The following SCHIP1 variants were observed in gnomAD, a reference collection of about 807,000 sequenced individuals.
SCHIP1 encodes schwannomin interacting protein 1.
Under a neutral mutation model 29.7 loss-of-function variants are expected in SCHIP1, and 8 were observed. The ratio of observed to expected loss-of-function variants is 0.27; its 90% CI spans 0.16 to 0.49. The LOEUF (loss-of-function observed/expected upper bound fraction) is 0.49. SCHIP1 is among the 20% of genes least tolerant of loss of function. The pLI, the probability that SCHIP1 is intolerant of heterozygous loss-of-function variation, is 0.99. For synonymous variants in SCHIP1, 76 were observed against 94.9 expected (o/e 0.80, Z 1.16); for missense variants, 193 against 294.6 (o/e 0.66, Z 2.52).
chr3:159,639,592 G>A, the SCHIP1 span, among the ~76,000 whole-genome samples: 1 of 152,158 alleles, frequency 6.6e-6, no homozygotes, highest in African/African-American at 2.4e-5. Flanking sequence ...GTGTGCTAGA[G>A]TTCCAGCAGT....
At chr3:159,609,858 A>G in the SCHIP1 span, among the ~76,000 whole-genome samples, 1 of 152,058 alleles carries the variant, frequency 6.6e-6, no homozygotes, top group African/African-American at 2.4e-5. Context: ...TTGCTAAGCG[A>G]TGGAAAACCA....
chr3:159,892,011 T>G, intron 5 of SCHIP1, 86 bp from the exon 7 acceptor site: 1 of 1,408,250 alleles, frequency 7.1e-7, no homozygotes, highest in Non-Finnish European at 9.6e-7. Flanking sequence ...GGGTAGCTGT[T>G]TGTGTGTATA....
chr3:159,538,991 A>G, the SCHIP1 span, among the ~76,000 whole-genome samples: 27,204 of 151,966 alleles, frequency 0.18, 2,624 homozygotes, highest in South Asian at 0.35. Flanking sequence ...CCTCTCATCC[A>G]TGGATGGTTA....
chr3:159,505,400 G>A, the SCHIP1 span, among the ~76,000 whole-genome samples: 131 of 152,242 alleles, frequency 8.6e-4, no homozygotes, highest in African/African-American at 3.0e-3. Flanking sequence ...AAACAATTAC[G>A]AAGGAGAACA....
At chr3:159,515,985 A>G in the SCHIP1 span, among the ~76,000 whole-genome samples, 1 of 148,630 alleles carries the variant, frequency 6.7e-6, no homozygotes, top group Admixed American at 6.7e-5. Context: ...GGGGGAGATA[A>G]AGAATTGGGG....
the SCHIP1 span, among the ~76,000 whole-genome samples, chr3:159,604,677 A>G: frequency 6.6e-6 from 1 of 152,194 alleles, no homozygotes; most frequent in Non-Finnish European, 1.5e-5. Context: ...TCTACATTTG[A>G]AGTTGTTTCA....
the SCHIP1 span, among the ~76,000 whole-genome samples, chr3:159,737,918 C>T: frequency 1.1e-4 from 17 of 152,244 alleles, no homozygotes; most frequent in East Asian, 9.7e-4. Context: ...GTTGTATTTG[C>T]TGTCCCCACA....
the SCHIP1 span, among the ~76,000 whole-genome samples, chr3:159,673,175 G>C: frequency 4.6e-3 from 704 of 152,252 alleles, 8 homozygotes; most frequent in African/African-American, 0.016. Context: ...TTTCTGTTCT[G>C]TTAGTTATTT....
the SCHIP1 span, among the ~76,000 whole-genome samples, chr3:159,761,224 C>G: frequency 6.6e-6 from 1 of 152,188 alleles, no homozygotes; most frequent in Non-Finnish European, 1.5e-5. Flanking sequence ...GGGCAGGAAT[C>G]AGTTGGGAAA....
At chr3:159,538,692 C>A in the SCHIP1 span, among the ~76,000 whole-genome samples, 1 of 152,062 alleles carries the variant, frequency 6.6e-6, no homozygotes, top group Non-Finnish European at 1.5e-5. Flanking sequence ...CCTGTACCTG[C>A]GAAGCCACTG....
chr3:159,831,273 T>A, the SCHIP1 span, among the ~76,000 whole-genome samples: 17 of 152,190 alleles, frequency 1.1e-4, no homozygotes, highest in Admixed American at 7.9e-4. Context: ...TTTAGTCTTT[T>A]CATCCCTTTC....
chr3:159,625,382 G>A, the SCHIP1 span, among the ~76,000 whole-genome samples: 1 of 152,118 alleles, frequency 6.6e-6, no homozygotes, highest in Non-Finnish European at 1.5e-5. Flanking sequence ...CTTTTGGTCT[G>A]AGAGTCACCC....
At chr3:159,753,751 T>C in the SCHIP1 span, among the ~76,000 whole-genome samples, 1 of 152,240 alleles carries the variant, frequency 6.6e-6, no homozygotes, top group African/African-American at 2.4e-5. Context: ...AGATCTTAGT[T>C]GCAACCCCTC....
chr3:159,490,842 G>A, the SCHIP1 span, among the ~76,000 whole-genome samples: 1 of 152,162 alleles, frequency 6.6e-6, no homozygotes, highest in Non-Finnish European at 1.5e-5. Flanking sequence ...ACAGAGAGAT[G>A]CCAAGAAAGG....
the SCHIP1 span, among the ~76,000 whole-genome samples, chr3:159,409,736 C>G: frequency 2.6e-5 from 4 of 152,004 alleles, no homozygotes; most frequent in Non-Finnish European, 5.9e-5. Context: ...TTCAGTGCCA[C>G]CTCTATCAAA....
At chr3:159,556,004 C>T in the SCHIP1 span, among the ~76,000 whole-genome samples, 2 of 152,026 alleles carry the variant, frequency 1.3e-5, no homozygotes, top group African/African-American at 4.8e-5. Context: ...CACAATGGCA[C>T]GTGTATACCT....
chr3:159,357,628 T>A, the SCHIP1 span, among the ~76,000 whole-genome samples: 9 of 152,368 alleles, frequency 5.9e-5, no homozygotes, highest in South Asian at 1.4e-3. Context: ...GGTCCTTTAT[T>A]CATCCTGTTT....
chr3:159,464,724 A>T, the SCHIP1 span, among the ~76,000 whole-genome samples: 1 of 152,144 alleles, frequency 6.6e-6, no homozygotes, highest in Non-Finnish European at 1.5e-5. Context: ...AGCTTGAATC[A>T]ATTGAATGAA....
chr3:159,617,350 T>C, the SCHIP1 span, among the ~76,000 whole-genome samples: 20 of 152,336 alleles, frequency 1.3e-4, no homozygotes, highest in African/African-American at 4.8e-4. Context: ...CCTTTCTTTC[T>C]GCAAGCAACC....
Sources: gnomAD v4.1 joint callset for allele counts (sites outside exome capture counted in the v4.1 genomes callset) on GRCh38, gnomAD v4.1.1 for gene constraint, MANE v1.5 for transcripts, NCBI Gene and HGNC (gene_info 2026-07-23, HGNC 2026-07-21) for gene names.